Variants in FRMPD4 observed in about 807,000 individuals in gnomAD.
FRMPD4 encodes FERM and PDZ domain containing 4.
In FRMPD4, 22 loss-of-function variants were observed where a neutral mutation model predicts 94.1. The ratio of observed to expected loss-of-function variants is 0.23; its 90% CI spans 0.17 to 0.33. The LOEUF is 0.33. FRMPD4 is among the 10% of genes least tolerant of loss of function. The pLI is 1.00. For missense variants in FRMPD4, 1,111 were observed against 1,339.9 expected (o/e 0.83, Z 2.67); for synonymous variants, 631 against 548.6 (o/e 1.15, Z -2.10).
intron 3 of FRMPD4, among the ~76,000 whole-genome samples, chrX:12,029,237 A>G (rs1185535500): frequency 1.8e-5 from 2 of 112,034 alleles, no homozygotes; most frequent in Non-Finnish European, 3.8e-5. Flanking sequence ...ATGATGTGGA[A>G]TATCTTTTCA....
intron 3 of FRMPD4, among the ~76,000 whole-genome samples, chrX:11,987,805 T>C (rs2054440616): frequency 1.8e-5 from 2 of 111,223 alleles, no homozygotes; most frequent in African/African-American, 6.5e-5. Context: ...AGAAATAAAA[T>C]GTAATACCAT....
At chrX:12,476,614 A>T (rs1348231406) in intron 1 of FRMPD4, among the ~76,000 whole-genome samples, 1 of 112,156 alleles carries the variant, frequency 8.9e-6, no homozygotes, top group East Asian at 2.8e-4. Flanking sequence ...AAACAAATTT[A>T]CAAGAAAAAA....
chrX:12,060,269 T>G (rs1226216794), intron 3 of FRMPD4, among the ~76,000 whole-genome samples: 1 of 79,275 alleles, frequency 1.3e-5, no homozygotes, highest in East Asian at 4.7e-4. Flanking sequence ...AGGAACTGGT[T>G]TTTTTTTTTT....
intron 3 of FRMPD4, among the ~76,000 whole-genome samples, chrX:12,107,715 A>G (rs1419877287): frequency 8.9e-6 from 1 of 112,081 alleles, no homozygotes; most frequent in Non-Finnish European, 1.9e-5. Flanking sequence ...ACCAGTGTAG[A>G]TAAGTCCTTA....
intron 1 of FRMPD4, among the ~76,000 whole-genome samples, chrX:12,356,827 A>G (rs779011375): frequency 8.9e-6 from 1 of 111,744 alleles, no homozygotes; most frequent in Non-Finnish European, 1.9e-5. Context: ...GAACATTTCC[A>G]TTATCTCAGT....
At chrX:12,632,288 AT>A (rs2148449225) in intron 4 of FRMPD4, among the ~76,000 whole-genome samples, 1 of 111,295 alleles carries the variant, frequency 9.0e-6, no homozygotes, top group South Asian at 3.9e-4. Context: ...CAGGGTCCTC[AT>A]CCCCGCAAAA....
intron 1 of FRMPD4, among the ~76,000 whole-genome samples, chrX:12,171,538 T>G (rs983671520): frequency 9.0e-6 from 1 of 111,148 alleles, no homozygotes; most frequent in Non-Finnish European, 1.9e-5. Context: ...TGCTTCTAAC[T>G]TGTTCAAGTT....
intron 3 of FRMPD4, among the ~76,000 whole-genome samples, chrX:11,979,537 G>A (rs780326101): frequency 1.9e-4 from 21 of 111,889 alleles, no homozygotes; most frequent in African/African-American, 6.8e-4. Context: ...TTGATGCTTG[G>A]CATTATCCAA....
rs1464819095 is a variant in FRMPD4 at position 12,724,474 on chromosome X, T to C, written c.*2616T>C. ...GTTTTATAATGGCATAATAGTACAA[T>C]GGTACATGTACATAATTTTAAATAA... On this transcript the variant is annotated 3_prime_UTR_variant, in exon 17 of 17. Transcript: ENST00000675598. 3 of 111,934 alleles carry C rather than the reference T, an allele frequency of 2.7e-5. No homozygotes were observed. Among genetic ancestry groups the C allele is most frequent in the Non-Finnish European group, 5.6e-5 (3 of 53,164 alleles). 9.2% of individuals were successfully genotyped at this position (111,934 alleles called of 1,213,427 possible).
chrX:11,987,119 A>AAC (rs1260435923), intron 3 of FRMPD4, among the ~76,000 whole-genome samples: 6 of 99,289 alleles, frequency 6.0e-5, no homozygotes, highest in Admixed American at 2.2e-4. Flanking sequence ...AAAAAAAAAA[A>AAC]AAAAAAAAAA....
At chrX:12,033,976 C>T (rs1017239675) in intron 3 of FRMPD4, among the ~76,000 whole-genome samples, 5 of 112,596 alleles carry the variant, frequency 4.4e-5, no homozygotes, top group African/African-American at 1.6e-4. Flanking sequence ...GGATTACAGG[C>T]GTAAGCCACG....
At position 12,141,389 on chromosome X, in the gene FRMPD4, G is replaced by A. The variant is rs183555553; in HGVS notation, c.41+2377G>A. Reference sequence around the variant, plus strand: ...ATATCTTGGAAGTGATATTTGCTTAGTGTCCTATCTGTGAGTAAAGACAGT... The same window carrying A: ...ATATCTTGGAAGTGATATTTGCTTAATGTCCTATCTGTGAGTAAAGACAGT... On this transcript the variant is annotated intron_variant, in intron 1 of 16. Coordinates refer to ENST00000675598, the MANE Select transcript of FRMPD4 (RefSeq NM_001368397.1). 5.4e-5 allele frequency among the ~76,000 whole-genome samples: 6 copies of A among 112,098 alleles called. No individual in the cohort carries two copies. In the East Asian group the frequency reaches 1.7e-3, roughly 31 times the overall value.
intron 2 of FRMPD4, among the ~76,000 whole-genome samples, chrX:12,590,884 A>G (rs1395548578): frequency 8.9e-6 from 1 of 112,162 alleles, no homozygotes; most frequent in Admixed American, 9.4e-5. Context: ...CATTTGTGCT[A>G]TTGACATGAC....
At chrX:12,332,207 T>TAGAGAG (rs531737337) in intron 1 of FRMPD4, among the ~76,000 whole-genome samples, 1 of 59,540 alleles carries the variant, frequency 1.7e-5, no homozygotes, top group African/African-American at 7.3e-5. Context: ...TATATATATA[T>TAGAGAG]AGAGAGAGAG....
At chrX:12,288,310 A>G (rs1412938287) in intron 1 of FRMPD4, among the ~76,000 whole-genome samples, 4 of 112,044 alleles carry the variant, frequency 3.6e-5, no homozygotes, top group African/African-American at 6.5e-5. Context: ...AAACGATTCT[A>G]TAACTATTCA....
chrX:12,332,223 G>T (rs866665528), intron 1 of FRMPD4, among the ~76,000 whole-genome samples: 3,128 of 87,873 alleles, frequency 0.036, 124 homozygotes, highest in Non-Finnish European at 0.052. Context: ...GAGAGAGAGA[G>T]AGAGAGAGAG....
chrX:12,527,493 T>G (rs972126543), intron 2 of FRMPD4, among the ~76,000 whole-genome samples: 6 of 107,617 alleles, frequency 5.6e-5, no homozygotes, highest in Admixed American at 4.0e-4. Flanking sequence ...TACAGTTTTT[T>G]TTTTTTTTTT....
At chrX:12,553,898 C>T (rs1033924932) in intron 2 of FRMPD4, among the ~76,000 whole-genome samples, 16 of 112,055 alleles carry the variant, frequency 1.4e-4, no homozygotes, top group Non-Finnish European at 2.8e-4. Context: ...TTATGACCCA[C>T]TCATAACAAG....
intron 3 of FRMPD4, among the ~76,000 whole-genome samples, chrX:11,972,638 C>T (rs2054346316): frequency 8.9e-6 from 1 of 112,324 alleles, no homozygotes. Flanking sequence ...ACATTGCTTA[C>T]TTCTTTAACT....
Sources: allele counts gnomAD v4.1 joint callset (sites outside exome capture counted in the v4.1 genomes callset), GRCh38; gene constraint gnomAD v4.1.1; transcripts MANE v1.5; gene names NCBI Gene and HGNC (gene_info 2026-07-23, HGNC 2026-07-21).